The following SLC67A1 variants were observed in gnomAD, a reference collection of about 807,000 sequenced individuals.
SLC67A1 encodes the protein solute carrier family 67 member 1.
At chr11:2,905,501 T>A in the SLC67A1 span, among the ~76,000 whole-genome samples, 1 of 152,218 alleles carries the variant, frequency 6.6e-6, no homozygotes, top group Non-Finnish European at 1.5e-5. Context: ...ACAAAGCACA[T>A]GAACTCATCC....
At chr11:2,902,667 G>C in the SLC67A1 span, 14 of 984,626 alleles carry the variant, frequency 1.4e-5, no homozygotes, top group Non-Finnish European at 1.4e-5. Context: ...GTTCCCACCA[G>C]TTGGAGGCCG....
At chr11:2,922,241 T>A in the SLC67A1 span, 1 of 1,582,858 alleles carries the variant, frequency 6.3e-7, no homozygotes, top group Admixed American at 1.7e-5. Flanking sequence ...CACCTGACCC[T>A]CTCACTGGGC....
the SLC67A1 span, among the ~76,000 whole-genome samples, chr11:2,911,964 T>C: frequency 6.6e-6 from 1 of 152,222 alleles, no homozygotes; most frequent in East Asian, 1.9e-4. Context: ...TCCCAAGATC[T>C]GAGGCGCTTT....
the SLC67A1 span, chr11:2,916,648 C>T: frequency 5.6e-5 from 91 of 1,612,416 alleles, no homozygotes; most frequent in Non-Finnish European, 7.5e-5. Flanking sequence ...ATCCTGGCTG[C>T]CCTGGCCACC....
the SLC67A1 span, among the ~76,000 whole-genome samples, chr11:2,923,147 ACCC>A: frequency 3.9e-5 from 6 of 152,022 alleles, no homozygotes; most frequent in Admixed American, 3.9e-4. This position sits in a 1 kb window ranked among gnomAD's most constrained non-coding sequence, Gnocchi z 6.5. Context: ...CTCCTGCCCC[ACCC>A]CAGGCACAGT....
chr11:2,923,862 C>G, the SLC67A1 span, among the ~76,000 whole-genome samples: 1 of 152,196 alleles, frequency 6.6e-6, no homozygotes, highest in East Asian at 1.9e-4. This position sits in a 1 kb window ranked among gnomAD's most constrained non-coding sequence, Gnocchi z 6.5. Flanking sequence ...GGAAACCCAG[C>G]GACAGAAGGG....
chr11:2,922,517 G>A, the SLC67A1 span: 57 of 1,612,986 alleles, frequency 3.5e-5, no homozygotes, highest in East Asian at 1.3e-4. Context: ...CGTGGTCACC[G>A]ACAGCATGCT....
At chr11:2,914,653 C>T in the SLC67A1 span, 53 of 969,800 alleles carry the variant, frequency 5.5e-5, 1 homozygote, top group East Asian at 1.0e-3. Context: ...TACCCACCAC[C>T]GCTCGAGGGC....
chr11:2,914,982 T>C, the SLC67A1 span: 2 of 985,412 alleles, frequency 2.0e-6, no homozygotes, highest in Non-Finnish European at 2.4e-6. Flanking sequence ...AAGGGCCCAT[T>C]CGTGCGGAAC....
chr11:2,911,282 G>T, the SLC67A1 span, among the ~76,000 whole-genome samples: 3 of 152,172 alleles, frequency 2.0e-5, no homozygotes, highest in Non-Finnish European at 4.4e-5. Context: ...CAGGGTGGGA[G>T]GAGCCATGGG....
At chr11:2,923,331 A>ACCAAGGTC in the SLC67A1 span, among the ~76,000 whole-genome samples, 2 of 147,802 alleles carry the variant, frequency 1.4e-5, no homozygotes, top group African/African-American at 5.1e-5. The surrounding 1 kb of genome is among the most constrained non-coding windows in gnomAD (Gnocchi z 6.5). Flanking sequence ...GAGGCAGCAG[A>ACCAAGGTC]TCCAGAAACT....
chr11:2,902,910 C>A, the SLC67A1 span, among the ~76,000 whole-genome samples: 1 of 152,234 alleles, frequency 6.6e-6, no homozygotes, highest in East Asian at 1.9e-4. Flanking sequence ...CCCACATCAG[C>A]CCTCTGGCCA....
chr11:2,916,648 C>A, the SLC67A1 span: 1 of 1,612,534 alleles, frequency 6.2e-7, no homozygotes, highest in African/African-American at 1.3e-5. Flanking sequence ...ATCCTGGCTG[C>A]CCTGGCCACC....
chr11:2,903,052 G>A, the SLC67A1 span: 1 of 471,660 alleles, frequency 2.1e-6, no homozygotes, highest in Non-Finnish European at 3.5e-6. Context: ...AGGGGTCGGG[G>A]GGAGCAGCTT....
chr11:2,918,704 C>T, the SLC67A1 span, among the ~76,000 whole-genome samples: 1 of 65,072 alleles, frequency 1.5e-5, no homozygotes, highest in Non-Finnish European at 3.1e-5. Context: ...CAGTAACAGG[C>T]CCTTTGAGGG....
At chr11:2,913,622 G>A in the SLC67A1 span, among the ~76,000 whole-genome samples, 3 of 152,198 alleles carry the variant, frequency 2.0e-5, no homozygotes, top group African/African-American at 4.8e-5. Context: ...CCTGGAGCAC[G>A]GATGACTTCT....
At chr11:2,908,379 C>CT in the SLC67A1 span, 1 of 1,405,724 alleles carries the variant, frequency 7.1e-7, no homozygotes. Flanking sequence ...ACCCAGGCCC[C>CT]CTCTCAGACG....
chr11:2,917,992 C>T, the SLC67A1 span: 9 of 1,610,654 alleles, frequency 5.6e-6, no homozygotes, highest in African/African-American at 1.1e-4. Flanking sequence ...TGCCAGGCGG[C>T]CCCCGGGCCA....
At chr11:2,918,648 G>C in the SLC67A1 span, among the ~76,000 whole-genome samples, 10 of 152,172 alleles carry the variant, frequency 6.6e-5, no homozygotes, top group African/African-American at 2.4e-4. Flanking sequence ...AGCCCACCTA[G>C]GCCAGCTCTG....
Sources: allele counts gnomAD v4.1 joint callset (sites outside exome capture counted in the v4.1 genomes callset), GRCh38; gene constraint gnomAD v4.1.1; non-coding constraint Gnocchi (gnomAD v3.1); transcripts MANE v1.5; gene names NCBI Gene and HGNC (gene_info 2026-07-23, HGNC 2026-07-21).